The following STK11 variants were observed in gnomAD, a reference collection of about 807,000 sequenced individuals.
STK11 encodes serine/threonine-protein kinase STK11.
Under a neutral mutation model 47.3 loss-of-function variants are expected in STK11, and 8 were observed. The observed-to-expected ratio is 0.17, with a 90% CI of 0.10 to 0.31. The LOEUF is 0.31. Ranked by LOEUF, STK11 falls within the 10% of genes least tolerant of loss-of-function variation. The probability of loss-of-function intolerance (pLI) is 1.00; values close to 1 mark genes in which losing one functional copy is unlikely to be tolerated. For missense variants in STK11, 475 were observed against 605.0 expected (o/e 0.79, Z 2.25); for synonymous variants, 330 against 255.8 (o/e 1.29, Z -2.77).
intron 1 of STK11, among the ~76,000 whole-genome samples, chr19:1,216,723 C>T (rs886906039): frequency 7.2e-5 from 11 of 151,754 alleles, no homozygotes; most frequent in African/African-American, 2.7e-4. Context: ...CAAAAATTAG[C>T]TGGGCATGGT....
In STK11 at chr19:1,221,126, G is replaced by A. The variant is rs537831482; in HGVS notation, c.735-87G>A. The A allele has an allele frequency of 5.6e-4, 878 of 1,560,848 alleles. 6 individuals carry two copies. Among genetic ancestry groups the A allele is most frequent in the African/African-American group, 2.3e-4 (17 of 73,718 alleles). ...GCCTCTGGTCCAGCAGCCACGGGAC[G>A]CCTCTGTCCCTGGGGTAGAGCTGGG... On this transcript the variant is annotated intron_variant, in intron 5 of 9. Coordinates refer to ENST00000326873, the MANE Select transcript of STK11 (RefSeq NM_000455.5).
chr19:1,209,451 C>T (rs906713037), intron 1 of STK11, among the ~76,000 whole-genome samples: 3 of 152,026 alleles, frequency 2.0e-5, no homozygotes, highest in Non-Finnish European at 2.9e-5. Context: ...AGTGTGGTGG[C>T]GTGTGCCTGT....
At chr19:1,219,515 C>T (rs942230318) in intron 3 of STK11, 102 bp downstream of exon 3, 21 of 1,250,940 alleles carry the variant, frequency 1.7e-5, no homozygotes, top group Non-Finnish European at 2.3e-5. Flanking sequence ...TATTCATTGA[C>T]ATGAAGGCCC....
At chr19:1,216,625 C>G (rs2080746568) in intron 1 of STK11, among the ~76,000 whole-genome samples, 1 of 151,458 alleles carries the variant, frequency 6.6e-6, no homozygotes, top group Non-Finnish European at 1.5e-5. Context: ...CCAGCGTTTT[C>G]CGAGGCCGAG....
rs555759475 is a variant in STK11 at position 1,223,790 on chromosome 19, T to G, written c.1108+618T>G. The G allele has an allele frequency of 5.5e-3, 5,646 of 1,034,874 alleles. 23 individuals carry two copies. Among genetic ancestry groups the G allele is most frequent in the Non-Finnish European group, 5.9e-3 (5,059 of 859,844 alleles). 64.1% of individuals were successfully genotyped at this position (1,034,874 alleles called of 1,614,324 possible). Reference sequence around the variant, plus strand: ...GCCTTAGCGTAGGGGCGGCCCACATTGGCAGCCAGCCCCTCCCCGCCATGC... The same window carrying G: ...GCCTTAGCGTAGGGGCGGCCCACATGGGCAGCCAGCCCCTCCCCGCCATGC... On this transcript the variant is annotated intron_variant, in intron 8 of 9. Coordinates refer to ENST00000326873, the MANE Select transcript of STK11 (RefSeq NM_000455.5).
At chr19:1,219,023 C>T (rs1032234583) in intron 2 of STK11, among the ~76,000 whole-genome samples, 1 of 152,166 alleles carries the variant, frequency 6.6e-6, no homozygotes. Context: ...CCCGAGCCTG[C>T]TTGGGGGGGC....
chr19:1,211,761 C>T (rs909560383), intron 1 of STK11, among the ~76,000 whole-genome samples: 1 of 152,274 alleles, frequency 6.6e-6, no homozygotes, highest in Non-Finnish European at 1.5e-5. Context: ...CGCACCGCCC[C>T]CGCGGTGTCC....
chr19:1,217,442 C>T (rs2080751814), intron 1 of STK11, among the ~76,000 whole-genome samples: 1 of 152,106 alleles, frequency 6.6e-6, no homozygotes, highest in Non-Finnish European at 1.5e-5. Context: ...TCAGGTGATC[C>T]ACCCGCCTCG....
At chr19:1,207,261 C>T (rs1328875914) in intron 1 of STK11, 58 bp downstream of exon 1, 20 of 1,535,594 alleles carry the variant, frequency 1.3e-5, no homozygotes, top group Admixed American at 2.0e-5. Flanking sequence ...GCTGATGGTT[C>T]TGTCTTCCTT....
At chr19:1,216,964 G>A (rs1291999892) in intron 1 of STK11, among the ~76,000 whole-genome samples, 1 of 152,028 alleles carries the variant, frequency 6.6e-6, no homozygotes, top group Non-Finnish European at 1.5e-5. Flanking sequence ...CTTGTTGAGT[G>A]CGTGGATGGG....
Position 1,226,841 on chromosome 19 carries a change from G to T in STK11, c.*16+178G>T, listed in dbSNP as rs2080827126. The T allele has an allele frequency of 9.2e-6, 7 of 760,534 alleles. No homozygotes were observed. The East Asian group carries it at 1.9e-4, about 20-fold the overall frequency. The allele number at this position is 760,534 out of a possible 1,614,324, so 47.1% of individuals were successfully genotyped here. A position where few individuals can be genotyped will look rare whatever the true frequency, so the allele number is the denominator to read the frequency against. On this transcript the variant is annotated intron_variant, in intron 9 of 9. Transcript: ENST00000326873. ...GATCCCCGTGGAGGGTGCCGTCTCGGGGCCTGGTGTCTGGCCAGCGTGCTG... is the reference window on the plus strand; with the variant it reads ...GATCCCCGTGGAGGGTGCCGTCTCGTGGCCTGGTGTCTGGCCAGCGTGCTG...
At chr19:1,208,944 A>G (rs4807008) in intron 1 of STK11, among the ~76,000 whole-genome samples, 125,842 of 152,042 alleles carry the variant, frequency 0.83, 52,797 homozygotes, top group East Asian at 1. Context: ...ATCAGCATGC[A>G]GGCTGTGACA....
rs756001994 is a variant in STK11 at position 1,221,935 on chromosome 19, C to G, written c.863-14C>G. ...TGTGCCCAGCTGACAGGCTCCTCGC[C>G]GGCTTCTCCTCAGGGATGCTTGAGT... On this transcript the variant is annotated splice_polypyrimidine_tract_variant and intron_variant, in intron 6 of 9. Coordinates refer to ENST00000326873, the MANE Select transcript of STK11 (RefSeq NM_000455.5). 1.3e-6 allele frequency: 2 copies of G among 1,552,032 alleles called. No homozygotes were observed. The highest frequency in any genetic ancestry group is 1.7e-6 in the Non-Finnish European group (2 of 1,147,864).
At chr19:1,218,045 G>C (rs1325693157) in intron 1 of STK11, among the ~76,000 whole-genome samples, 1 of 152,150 alleles carries the variant, frequency 6.6e-6, no homozygotes, top group South Asian at 2.1e-4. Flanking sequence ...TCGGGAGGCT[G>C]AGGCAGGGAA....
At chr19:1,223,576 TCCCTCCCGTCGTCCCTGAGGCCTGCCCG>T in intron 8 of STK11, 19 of 1,079,892 alleles carry the variant, frequency 1.8e-5, no homozygotes, top group Non-Finnish European at 2.1e-5. Flanking sequence ...CCAGTGGCCC[TCCCTCCCGTCGTCCCTGAGGCCTGCCCG>T]CTGGCCCTGA....
intron 8 of STK11, 198 bp from the exon 9 acceptor site, chr19:1,226,256 G>A (rs939515307): frequency 1.4e-6 from 2 of 1,420,890 alleles, no homozygotes; most frequent in Non-Finnish European, 1.8e-6. Context: ...CCATCTGCGG[G>A]AGGCTCAGCC....
chr19:1,215,667 G>A lies in STK11; in HGVS notation c.291-2750G>A, dbSNP rs567165831. ...CTGGTGCACTGGGAGGGAAAGGTGA[G>A]CCAAGGCTTCCTGCAAGAGGCAGCC... On this transcript the variant is annotated intron_variant, in intron 1 of 9. Coordinates refer to ENST00000326873, the MANE Select transcript of STK11 (RefSeq NM_000455.5). Among the ~76,000 whole-genome samples, 7 of 152,344 alleles carry A rather than the reference G, an allele frequency of 4.6e-5. No individual in the cohort carries two copies. In the East Asian group the frequency reaches 1.3e-3, roughly 29 times the overall value.
chr19:1,223,228 G>T, intron 8 of STK11, 56 bp downstream of exon 8: 1 of 1,562,566 alleles, frequency 6.4e-7, no homozygotes, highest in Admixed American at 1.8e-5. Flanking sequence ...GATGTCCCAC[G>T]GGAGCAGGGT....
intron 1 of STK11, among the ~76,000 whole-genome samples, chr19:1,215,537 G>A (rs1262119936): frequency 1.3e-5 from 2 of 152,306 alleles, no homozygotes; most frequent in Admixed American, 6.5e-5. Context: ...CCAGACTGGC[G>A]GCCCCTTGTC....
Sources: allele counts gnomAD v4.1 joint callset (sites outside exome capture counted in the v4.1 genomes callset), GRCh38; gene constraint gnomAD v4.1.1; transcripts MANE v1.5; gene names NCBI Gene and HGNC (gene_info 2026-07-23, HGNC 2026-07-21).